The following GPC6 variants were observed in gnomAD, a reference collection of about 807,000 sequenced individuals.
GPC6 encodes glypican 6, also known as glypican-6.
In GPC6, 14 loss-of-function variants were observed where a neutral mutation model predicts 55.2. That is an observed-to-expected ratio of 0.25 (90% confidence interval 0.17 to 0.40). GPC6 has a LOEUF of 0.40. GPC6 is among the 10% of genes least tolerant of loss of function. The pLI is 1.00. For synonymous variants in GPC6, 278 were observed against 259.6 expected (o/e 1.07, Z -0.68); for missense variants, 641 against 708.5 (o/e 0.90, Z 1.08).
At chr13:93,972,598 G>A (rs1315190620) in intron 3 of GPC6, among the ~76,000 whole-genome samples, 30 of 152,148 alleles carry the variant, frequency 2.0e-4, no homozygotes, top group Non-Finnish European at 1.5e-5. Flanking sequence ...AGAGTAGACA[G>A]TTACTGTGAG....
At chr13:93,725,469 T>C (rs1883600937) in intron 2 of GPC6, among the ~76,000 whole-genome samples, 1 of 152,022 alleles carries the variant, frequency 6.6e-6, no homozygotes, top group South Asian at 2.1e-4. Context: ...CTCAGACCCT[T>C]TCTAACCTGC....
At chr13:93,962,773 A>T (rs1879844407) in intron 3 of GPC6, among the ~76,000 whole-genome samples, 1 of 152,140 alleles carries the variant, frequency 6.6e-6, no homozygotes, top group Admixed American at 6.6e-5. Context: ...ATTAAATATG[A>T]TCGCTTTTTT....
Position 94,138,128 on chromosome 13 carries a change from T to A in GPC6, c.877+110234T>A, listed in dbSNP as rs184396903. On this transcript the variant is annotated intron_variant, in intron 4 of 8. Coordinates refer to ENST00000377047, the MANE Select transcript of GPC6 (RefSeq NM_005708.5). ...ATGAAATGCTCCAAAATCTGAAACA[T>A]TTTGAGTACCAACATAACATTCAAA... 6.9e-4 allele frequency among the ~76,000 whole-genome samples: 105 copies of A among 152,262 alleles called. No homozygotes were observed. The East Asian group carries it at 0.015, about 22-fold the overall frequency.
At chr13:93,564,931 C>T (rs899308195) in intron 2 of GPC6, among the ~76,000 whole-genome samples, 9 of 151,972 alleles carry the variant, frequency 5.9e-5, no homozygotes, top group East Asian at 1.9e-4. Flanking sequence ...TTTTCTGTGC[C>T]GTTTCAAAAT....
At chr13:94,327,397 T>C (rs1017902421) in intron 6 of GPC6, among the ~76,000 whole-genome samples, 3 of 152,128 alleles carry the variant, frequency 2.0e-5, no homozygotes, top group Non-Finnish European at 4.4e-5. Flanking sequence ...GCTCTTCTCT[T>C]CTTCTCTATC....
intron 3 of GPC6, among the ~76,000 whole-genome samples, chr13:94,017,897 T>C (rs9584178): frequency 0.14 from 21,365 of 151,912 alleles, 1,704 homozygotes; most frequent in East Asian, 0.33. Flanking sequence ...AGGCTGGTCT[T>C]GAACTCCTGA....
intron 2 of GPC6, among the ~76,000 whole-genome samples, chr13:93,579,599 A>C (rs1021873334): frequency 1.3e-5 from 2 of 152,076 alleles, no homozygotes; most frequent in African/African-American, 4.8e-5. Flanking sequence ...AATTACAATC[A>C]GAGATACAGG....
chr13:93,502,586 G>A (rs1880562366), intron 1 of GPC6, among the ~76,000 whole-genome samples: 1 of 152,114 alleles, frequency 6.6e-6, no homozygotes, highest in Non-Finnish European at 1.5e-5. Context: ...GTGAGTAACT[G>A]CTGAATTGGA....
Position 94,026,259 on chromosome 13 carries a change from G to A in GPC6, c.712-1470G>A, listed in dbSNP as rs578161811. On this transcript the variant is annotated intron_variant, in intron 3 of 8. Transcript: ENST00000377047. ...AAAATGTTACAGAAACCAAAGGCTT[G>A]CATTAAGAATCTCAAAATTGATCCT... is the stretch of plus-strand genomic sequence containing the variant. Among the ~76,000 whole-genome samples, 4 of 152,232 alleles carry A rather than the reference G, an allele frequency of 2.6e-5. No individual in the cohort carries two copies. In the South Asian group the frequency reaches 8.3e-4, roughly 32 times the overall value.
chr13:94,394,483 C>T (rs1198174965), intron 7 of GPC6, among the ~76,000 whole-genome samples: 1 of 152,164 alleles, frequency 6.6e-6, no homozygotes. Flanking sequence ...GTGCAAAACC[C>T]AATAAAAGGA....
chr13:94,031,075 CGTGTGCGTGTGT>C lies in GPC6; in HGVS notation c.877+3203_877+3214del, dbSNP rs1295496872. ...GTTTGTGCGTGTGCATGTGCGTGTG[CGTGTGCGTGTGT>C]GTGTGCGTGTGTGTGTGCGTGCATG... is the stretch of plus-strand genomic sequence containing the variant. On this transcript the variant is annotated intron_variant, in intron 4 of 8. Transcript: ENST00000377047. Among the ~76,000 whole-genome samples, 40 of 147,982 alleles carry C rather than the reference CGTGTGCGTGTGT, an allele frequency of 2.7e-4. 1 individual carries two copies. The highest frequency in any genetic ancestry group is 4.4e-4 in the South Asian group (2 of 4,592).
At chr13:94,300,818 C>A (rs1482300992) in intron 5 of GPC6, among the ~76,000 whole-genome samples, 1 of 152,200 alleles carries the variant, frequency 6.6e-6, no homozygotes, top group Non-Finnish European at 1.5e-5. Context: ...TTGGCTTATC[C>A]TGCAGCGATA....
At chr13:93,254,646 T>G (rs1187885816) in intron 1 of GPC6, among the ~76,000 whole-genome samples, 1 of 152,170 alleles carries the variant, frequency 6.6e-6, no homozygotes, top group Non-Finnish European at 1.5e-5. Context: ...TGTGAACATT[T>G]AAACTCTTAT....
intron 1 of GPC6, among the ~76,000 whole-genome samples, chr13:93,292,282 AC>A (rs781097593): frequency 6.3e-4 from 96 of 152,258 alleles, no homozygotes; most frequent in Non-Finnish European, 1.1e-3. Flanking sequence ...TGTAACTTCT[AC>A]CTCATGTGAA....
At chr13:93,813,728 C>T (rs1886766839) in intron 2 of GPC6, among the ~76,000 whole-genome samples, 1 of 151,500 alleles carries the variant, frequency 6.6e-6, no homozygotes, top group African/African-American at 2.4e-5. Context: ...TAACTTTTTA[C>T]AATTTATATA....
intron 1 of GPC6, among the ~76,000 whole-genome samples, chr13:93,262,352 C>A (rs142168485): frequency 5.8e-4 from 88 of 152,006 alleles, no homozygotes; most frequent in African/African-American, 2.1e-3. Flanking sequence ...AGTGTGGATC[C>A]TTTCACGCCA....
At chr13:93,525,088 C>A (rs928432940) in intron 1 of GPC6, among the ~76,000 whole-genome samples, 16 of 152,036 alleles carry the variant, frequency 1.1e-4, no homozygotes, top group African/African-American at 3.9e-4. Context: ...ATGGAAGCTG[C>A]AAGCATGGCT....
In GPC6 at chr13:94,068,543, A is replaced by G. The variant is rs1001792071; in HGVS notation, c.877+40649A>G. 2.6e-5 allele frequency among the ~76,000 whole-genome samples: 4 copies of G among 152,276 alleles called. No individual in the cohort carries two copies. In the East Asian group the frequency reaches 7.7e-4, roughly 29 times the overall value. ...TATTTCAGCATTAATTCAAAAGTCC[A>G]CAGTCCAAAGTCTCTTTTGAGACAA... On this transcript the variant is annotated intron_variant, in intron 4 of 8. Transcript: ENST00000377047.
In GPC6 at chr13:94,138,943, A is replaced by G. The variant is rs562898809; in HGVS notation, c.877+111049A>G. ...CAGGAAACCAGATAACTTACTATAT[A>G]CCGGGATAAGGAATGTGATTATGGT... On this transcript the variant is annotated intron_variant, in intron 4 of 8. Transcript: ENST00000377047. Among the ~76,000 whole-genome samples, 8 of 152,194 alleles carry G rather than the reference A, an allele frequency of 5.3e-5. No individual in the cohort carries two copies. The South Asian group carries it at 1.5e-3, about 28-fold the overall frequency.
Sources: gnomAD v4.1 joint callset for allele counts (sites outside exome capture counted in the v4.1 genomes callset) on GRCh38, gnomAD v4.1.1 for gene constraint, MANE v1.5 for transcripts, NCBI Gene and HGNC (gene_info 2026-07-23, HGNC 2026-07-21) for gene names.